The following ANKRD24 variants were observed in gnomAD, a reference collection of about 807,000 sequenced individuals.
ANKRD24 encodes the protein ankyrin repeat domain 24.
ANKRD24 carries 109 observed loss-of-function variants against 127.8 expected under a neutral mutation model. That is an observed-to-expected ratio of 0.85 (90% CI 0.73 to 1.00). ANKRD24 has a LOEUF of 1.00. Among genes scored for constraint, ANKRD24 ranks in the 50% least tolerant of loss-of-function variants. The probability of loss-of-function intolerance (pLI) is 0.00; values close to 1 mark genes in which losing one functional copy is unlikely to be tolerated. For missense variants in ANKRD24, 1,648 were observed against 1,570.2 expected (o/e 1.05, Z -0.84); for synonymous variants, 743 against 671.1 (o/e 1.11, Z -1.66).
At chr19:4,183,310 T>C (rs1169081389) in intron 1 of ANKRD24, 1 of 986,208 alleles carries the variant, frequency 1.0e-6, no homozygotes, top group African/African-American at 1.7e-5. Flanking sequence ...AACTGGAGGT[T>C]CTGCATTCTG....
At chr19:4,208,257 A>C (rs537957021) in intron 10 of ANKRD24, among the ~76,000 whole-genome samples, 1 of 152,090 alleles carries the variant, frequency 6.6e-6, no homozygotes, top group East Asian at 2.0e-4. Context: ...TAATCCCAGC[A>C]CTTTGGGAGG....
chr19:4,200,028 T>C (rs374689174), intron 4 of ANKRD24, 23 bp downstream of exon 4: 144 of 1,564,646 alleles, frequency 9.2e-5, no homozygotes, highest in Middle Eastern at 1.7e-4. Flanking sequence ...GACCCGGGAG[T>C]GAGATGGCTG....
intron 2 of ANKRD24, among the ~76,000 whole-genome samples, chr19:4,191,961 G>T (rs352506): frequency 0.91 from 135,217 of 148,236 alleles, 61,826 homozygotes; most frequent in Non-Finnish European, 0.95. Context: ...TTTTTTTTTT[G>T]GTATTTTTAA....
chr19:4,212,478 C>T lies in ANKRD24; in HGVS notation c.1063C>T (p.Pro355Ser), dbSNP rs1457865705. 2 of 1,575,300 alleles carry T rather than the reference C, an allele frequency of 1.3e-6. No homozygotes were observed. Among genetic ancestry groups the T allele is most frequent in the Non-Finnish European group, 1.7e-6 (2 of 1,162,602 alleles). ...CTGTCCCTGTTTCTCCCGTCAGTCCCCGGAGGCCAGCTCCCTGCACATCCT... is the reference window on the plus strand; with the variant it reads ...CTGTCCCTGTTTCTCCCGTCAGTCCTCGGAGGCCAGCTCCCTGCACATCCT... The part of the protein sequence containing the change: ...QHKERRQQES[P>S]EASSLHILER... The change falls in exon 14 of 22, where the codon CCG (proline) becomes TCG (serine). Residue 355 changes from proline (P) to serine (S), a missense_variant. Pro to Ser is a moderately conservative substitution (Grantham distance 74). Coordinates refer to ENST00000318934, the MANE Select transcript of ANKRD24 (RefSeq NM_001393985.1).
Position 4,182,705 on chromosome 19 carries a change from C to G in ANKRD24, c.-72C>G. ...GCTGACGCCGCAGGCGACATGTTAT[C>G]TGCTGTCAGAAGGAAGCCTGCCTCT... On this transcript the variant is annotated 5_prime_UTR_variant, in exon 1 of 22. It adds an upstream start codon to the 5' untranslated region. Coordinates refer to ENST00000318934, the MANE Select transcript of ANKRD24 (RefSeq NM_001393985.1). 7.1e-7 allele frequency: 1 copy of G among 1,413,224 alleles called. No individual in the cohort carries two copies. Among genetic ancestry groups the G allele is most frequent in the Non-Finnish European group, 9.2e-7 (1 of 1,082,040 alleles). 87.5% of individuals were successfully genotyped at this position (1,413,224 alleles called of 1,614,324 possible). A position where few individuals can be genotyped will look rare whatever the true frequency, so the allele number is the denominator to read the frequency against.
At position 4,182,723 on chromosome 19, in the gene ANKRD24, C is replaced by G; in HGVS notation, c.-54C>G. 1 of 1,404,782 alleles carries G rather than the reference C, an allele frequency of 7.1e-7. No individual in the cohort carries two copies. The highest frequency in any genetic ancestry group is 9.3e-7 in the Non-Finnish European group (1 of 1,077,706). 87.0% of individuals were successfully genotyped at this position (1,404,782 alleles called of 1,614,324 possible). Reference sequence around the variant, plus strand: ...ATGTTATCTGCTGTCAGAAGGAAGCCTGCCTCTTTGCATGCAGGTGTTTGC... The same window carrying G: ...ATGTTATCTGCTGTCAGAAGGAAGCGTGCCTCTTTGCATGCAGGTGTTTGC... On this transcript the variant is annotated 5_prime_UTR_variant, in exon 1 of 22. Coordinates refer to ENST00000318934, the MANE Select transcript of ANKRD24 (RefSeq NM_001393985.1).
At position 4,216,635 on chromosome 19, in the gene ANKRD24, T is replaced by C; in HGVS notation, c.1475T>C (p.Leu492Pro). 1 of 1,608,412 alleles carries C rather than the reference T, an allele frequency of 6.2e-7. No individual in the cohort carries two copies. The highest frequency in any genetic ancestry group is 1.3e-5 in the African/African-American group (1 of 74,934). The change falls in exon 18 of 22, where the codon CTC (leucine) becomes CCC (proline). Residue 492 changes from leucine (L) to proline (P), a missense_variant. Leu to Pro is a moderately conservative substitution (Grantham distance 98). Coordinates refer to ENST00000318934, the MANE Select transcript of ANKRD24 (RefSeq NM_001393985.1). The stretch of plus-strand genomic sequence containing the variant: ...ATCCCTCTTGCCCTCTATGACTCTC[T>C]CCGGGCCGAGTTTGACCAGCTACGC... Reference protein sequence around the residue: ...EVIPLALYDSLRAEFDQLRRQ... With the variant: ...EVIPLALYDSPRAEFDQLRRQ...
At chr19:4,208,023 C>T in intron 10 of ANKRD24, 55 bp downstream of exon 10, 1 of 1,410,214 alleles carries the variant, frequency 7.1e-7, no homozygotes. Flanking sequence ...TCTTGTCACT[C>T]CCCTTCTCTT....
At position 4,222,768 on chromosome 19, in the gene ANKRD24, G is replaced by C. The variant is rs1970510237; in HGVS notation, c.3270G>C (p.Gln1090His). The C allele has an allele frequency of 6.2e-7, 1 of 1,610,850 alleles. No homozygotes were observed. The highest frequency in any genetic ancestry group is 1.3e-5 in the African/African-American group (1 of 74,980). ...ATPEVEALRD[Q>H]VKDLQQQLQE... is the part of the protein sequence containing the mutation. The stretch of plus-strand genomic sequence containing the variant: ...CTGAGGTGGAGGCTCTCCGTGACCA[G>C]GTGAAGGATTTACAGCAGCAGCTGC... The change falls in exon 20 of 22, where the codon CAG becomes CAC. Residue 1090 changes from glutamine to histidine, a missense_variant. Gln to His is a conservative substitution (Grantham distance 24). Coordinates refer to ENST00000318934, the MANE Select transcript of ANKRD24 (RefSeq NM_001393985.1).
Position 4,207,555 on chromosome 19 carries a change from C to T in ANKRD24, c.592C>T (p.Arg198Cys), listed in dbSNP as rs371527951. 5.6e-6 allele frequency: 9 copies of T among 1,613,832 alleles called. No individual in the cohort carries two copies. The highest frequency in any genetic ancestry group is 1.3e-5 in the African/African-American group (1 of 74,940). Residue 198 changes from arginine (R) to cysteine (C), a missense_variant, in exon 9 of 22, where the codon CGT (arginine) becomes TGT (cysteine). By Grantham distance (180) the Arg-to-Cys change is radical (BLOSUM62 -3). Transcript: ENST00000318934. ...AAQMCHTDLC[R>C]LLLQQGAAAN... Reference sequence around the variant, plus strand: ...TCAGATGTGTCACACAGACCTGTGCCGTCTCCTACTGCAGCAAGGGGCTGC... The same window carrying T: ...TCAGATGTGTCACACAGACCTGTGCTGTCTCCTACTGCAGCAAGGGGCTGC...
Position 4,207,954 on chromosome 19 carries a change from C to A in ANKRD24, c.818C>A (p.Pro273His). The change falls in exon 10 of 22, where the codon CCC (proline) becomes CAC (histidine). Residue 273 changes from proline (P) to histidine (H), a missense_variant. Pro to His is a moderately conservative substitution (Grantham distance 77). Transcript: ENST00000318934. ...CTTCTGCAAGAGGCGGCCCAGCGCC[C>A]CTCCCCACCCAGCGGTATGCAAGCC... ...LHLLQEAAQR[P>H]SPPSALTEDD... 1 of 1,507,948 alleles carries A rather than the reference C, an allele frequency of 6.6e-7. No homozygotes were observed. Among genetic ancestry groups the A allele is most frequent in the East Asian group, 2.4e-5 (1 of 41,900 alleles). 93.4% of individuals were successfully genotyped at this position (1,507,948 alleles called of 1,614,324 possible). A position where few individuals can be genotyped will look rare whatever the true frequency, so the allele number is the denominator to read the frequency against.
At chr19:4,185,409 A>C (rs1968005666) in intron 1 of ANKRD24, among the ~76,000 whole-genome samples, 1 of 152,040 alleles carries the variant, frequency 6.6e-6, no homozygotes, top group Non-Finnish European at 1.5e-5. Flanking sequence ...TGGAGAATTC[A>C]CGAGTAGATA....
chr19:4,220,499 A>G (rs1190047756), intron 19 of ANKRD24, among the ~76,000 whole-genome samples: 2 of 152,150 alleles, frequency 1.3e-5, no homozygotes, highest in Admixed American at 1.3e-4. Flanking sequence ...TAATGATGAT[A>G]ACAACAGCCT....
In ANKRD24 at chr19:4,199,024, G is replaced by A. The variant is rs1397055492; in HGVS notation, c.37-659G>A. On this transcript the variant is annotated intron_variant, in intron 2 of 21. Coordinates refer to ENST00000318934, the MANE Select transcript of ANKRD24 (RefSeq NM_001393985.1). This position sits in a 1 kb window ranked among gnomAD's most constrained non-coding sequence, Gnocchi z 5.2. ...GGGAGACATTTCGTAATGCATTTCA[G>A]GCTATAGTGTTGAGGGGAGAAGCCT... 2.0e-5 allele frequency among the ~76,000 whole-genome samples: 3 copies of A among 152,112 alleles called. No homozygotes were observed. The highest frequency in any genetic ancestry group is 4.4e-5 in the Non-Finnish European group (3 of 68,026).
At chr19:4,183,894 A>G (rs923520420) in intron 1 of ANKRD24, among the ~76,000 whole-genome samples, 1 of 152,100 alleles carries the variant, frequency 6.6e-6, no homozygotes, top group Non-Finnish European at 1.5e-5. Context: ...GGCAACAAGC[A>G]TGAAACTCCG....
At chr19:4,203,275 C>T (rs1416759301) in intron 7 of ANKRD24, among the ~76,000 whole-genome samples, 3 of 152,188 alleles carry the variant, frequency 2.0e-5, no homozygotes, top group Non-Finnish European at 4.4e-5. Context: ...TCTCGAACTC[C>T]TGACCTCAGG....
chr19:4,208,919 G>T, intron 11 of ANKRD24, 118 bp downstream of exon 11: 1 of 1,094,532 alleles, frequency 9.1e-7, no homozygotes, highest in Admixed American at 2.3e-5. Context: ...TGTTTGGAAA[G>T]AATGCTACCT....
intron 13 of ANKRD24, among the ~76,000 whole-genome samples, chr19:4,211,549 C>G (rs1969739807): frequency 1.3e-5 from 2 of 152,062 alleles, no homozygotes; most frequent in Admixed American, 1.3e-4. Flanking sequence ...GAGGCTGAGG[C>G]AGGAGAATTG....
rs1555716310 is a variant in ANKRD24, at chr19:4,209,427, T to TG, written c.870+626_870+627insG. Among the ~76,000 whole-genome samples, 331 of 150,006 alleles carry TG rather than the reference T, an allele frequency of 2.2e-3. 1 individual carries two copies. The highest frequency in any genetic ancestry group is 7.5e-3 in the African/African-American group (304 of 40,768). On this transcript the variant is annotated intron_variant, in intron 11 of 21. Coordinates refer to ENST00000318934, the MANE Select transcript of ANKRD24 (RefSeq NM_001393985.1). ...GCGACCCCTCTCCTAGTTTTTTTTT[T>TG]TTGTTGTTGTTGTTGTTTGTTTGTT...
Sources: gnomAD v4.1 joint callset for allele counts (sites outside exome capture counted in the v4.1 genomes callset) on GRCh38, gnomAD v4.1.1 for gene constraint, Gnocchi (gnomAD v3.1) non-coding constraint, MANE v1.5 for transcripts, NCBI Gene and HGNC (gene_info 2026-07-23, HGNC 2026-07-21) for gene names.